LSAMP: variants seen among roughly 807,000 people sequenced by gnomAD.
LSAMP encodes the protein limbic system associated membrane protein, also known as limbic system-associated membrane protein.
LSAMP carries 7 observed loss-of-function variants against 38.6 expected under a neutral mutation model. The ratio of observed to expected loss-of-function variants is 0.18; its 90% CI spans 0.10 to 0.34. LSAMP has a LOEUF of 0.34. Ranked by LOEUF, LSAMP falls within the 10% of genes least tolerant of loss-of-function variation. LSAMP has a pLI of 1.00. For synonymous variants in LSAMP, 154 were observed against 166.8 expected (o/e 0.92, Z 0.59); for missense variants, 313 against 420.0 (o/e 0.75, Z 2.23).
chr3:116,381,650 T>A (rs2048559915), intron 1 of LSAMP, among the ~76,000 whole-genome samples: 1 of 152,244 alleles, frequency 6.6e-6, no homozygotes, highest in Middle Eastern at 3.4e-3. Flanking sequence ...TGAGCCCTGA[T>A]GAACTTTTGA....
chr3:116,334,912 A>G (rs1202569174), intron 1 of LSAMP, among the ~76,000 whole-genome samples: 1 of 152,076 alleles, frequency 6.6e-6, no homozygotes, highest in Admixed American at 6.6e-5. Flanking sequence ...AAAGAAATAA[A>G]ATGAATCCAT....
intron 1 of LSAMP, among the ~76,000 whole-genome samples, chr3:116,311,772 A>T (rs574915581): frequency 6.6e-6 from 1 of 152,334 alleles, no homozygotes; most frequent in East Asian, 1.9e-4. Flanking sequence ...AGCCTAAAAC[A>T]CTATGAGACC....
At chr3:116,232,585 T>C (rs11719629) in intron 1 of LSAMP, among the ~76,000 whole-genome samples, 108,070 of 151,910 alleles carry the variant, frequency 0.71, 40,162 homozygotes, top group South Asian at 0.84. Context: ...CTGTGTAGCA[T>C]TTGCAATTTC....
chr3:116,072,306 T>C (rs1576346059), intron 2 of LSAMP, among the ~76,000 whole-genome samples: 1 of 152,300 alleles, frequency 6.6e-6, no homozygotes, highest in East Asian at 1.9e-4. Flanking sequence ...CTATCACTGA[T>C]GGGCATTTGG....
intron 2 of LSAMP, among the ~76,000 whole-genome samples, chr3:116,056,710 A>T (rs1214451272): frequency 2.0e-5 from 3 of 152,116 alleles, no homozygotes; most frequent in Non-Finnish European, 4.4e-5. Context: ...TTTGCTGTTA[A>T]TGTCTTCTTC....
At chr3:115,889,180 A>G (rs1936531954) in intron 3 of LSAMP, among the ~76,000 whole-genome samples, 1 of 152,082 alleles carries the variant, frequency 6.6e-6, no homozygotes, top group South Asian at 2.1e-4. Flanking sequence ...AAGATGGGCA[A>G]GGTTCCTTGT....
intron 4 of LSAMP, 108 bp from the exon 5 acceptor site, chr3:115,842,686 A>G (rs1173930034): frequency 1.1e-5 from 15 of 1,412,824 alleles, no homozygotes; most frequent in African/African-American, 1.4e-5. Context: ...GCAGGAAGGG[A>G]GCCATCTTAA....
Position 115,911,506 on chromosome 3 carries a change from C to A in LSAMP, c.515-58889G>T, listed in dbSNP as rs371773007. Among the ~76,000 whole-genome samples, 10 of 152,188 alleles carry A rather than the reference C, an allele frequency of 6.6e-5. No homozygotes were observed. The Middle Eastern group carries it at 0.01, about 155-fold the overall frequency. On this transcript the variant is annotated intron_variant, in intron 3 of 6. Coordinates refer to ENST00000490035, the MANE Select transcript of LSAMP (RefSeq NM_002338.5). ...AGCTGGGACTACAGGTGCCTGCCAC[C>A]ACGCCTGGCTAATTTTTTGTAGAGA...
intron 3 of LSAMP, among the ~76,000 whole-genome samples, chr3:115,973,855 G>A (rs1315547887): frequency 1.3e-5 from 2 of 152,166 alleles, no homozygotes; most frequent in Admixed American, 6.6e-5. Context: ...ACTTGTGTGT[G>A]AAATTTTCCA....
chr3:115,827,441 TG>T (rs1208398901), intron 6 of LSAMP, among the ~76,000 whole-genome samples: 1 of 150,642 alleles, frequency 6.6e-6, no homozygotes, highest in Admixed American at 6.7e-5. Flanking sequence ...GTTTAGAAGG[TG>T]GGTGCTTAAG....
At chr3:116,183,218 A>G (rs533306956) in intron 1 of LSAMP, among the ~76,000 whole-genome samples, 38 of 151,942 alleles carry the variant, frequency 2.5e-4, no homozygotes, top group African/African-American at 8.7e-4. Flanking sequence ...TAGATTTAAA[A>G]CTGAGGAAAC....
intron 1 of LSAMP, among the ~76,000 whole-genome samples, chr3:116,272,139 TAA>T (rs1322845831): frequency 6.7e-6 from 1 of 149,298 alleles, no homozygotes; most frequent in Non-Finnish European, 1.5e-5. Context: ...TACAGTTCCA[TAA>T]ACAAATAAAT....
At chr3:116,182,101 T>C (rs2107570363) in intron 1 of LSAMP, among the ~76,000 whole-genome samples, 1 of 152,076 alleles carries the variant, frequency 6.6e-6, no homozygotes, top group African/African-American at 2.4e-5. Context: ...AAATGTGTTA[T>C]GTTTGAAAAG....
intron 1 of LSAMP, among the ~76,000 whole-genome samples, chr3:116,270,890 T>C (rs1262924431): frequency 6.6e-6 from 1 of 152,148 alleles, no homozygotes; most frequent in Non-Finnish European, 1.5e-5. Flanking sequence ...GTTCAGGCTG[T>C]GTTAGTCACT....
intron 1 of LSAMP, among the ~76,000 whole-genome samples, chr3:116,286,836 C>A (rs1014060395): frequency 6.0e-5 from 9 of 150,040 alleles, no homozygotes; most frequent in African/African-American, 2.2e-4. Flanking sequence ...ATGTCATTAA[C>A]TTTTTCTAGT....
At chr3:116,119,105 C>T (rs1347481808) in intron 1 of LSAMP, among the ~76,000 whole-genome samples, 5 of 152,046 alleles carry the variant, frequency 3.3e-5, no homozygotes, top group African/African-American at 1.2e-4. Flanking sequence ...ATTTCTATTA[C>T]AGAGGTACTA....
At position 115,802,846 on chromosome 3, in the gene LSAMP, G is replaced by A. The variant is rs1433776417; in HGVS notation, c.*7471C>T. On this transcript the variant is annotated 3_prime_UTR_variant, in exon 7 of 7. Transcript: ENST00000490035. ...GCATTGGGAGATGGGGGAGGGAGTT[G>A]GAAGTGTTCTCTTTTGCTTCTCTCC... 6.6e-6 allele frequency: 1 copy of A among 152,068 alleles called. No individual in the cohort carries two copies. The allele number at this position is 152,068 out of a possible 1,614,324, so 9.4% of individuals were successfully genotyped here. A position where few individuals can be genotyped will look rare whatever the true frequency, so the allele number is the denominator to read the frequency against.
intron 1 of LSAMP, among the ~76,000 whole-genome samples, chr3:116,223,208 A>G (rs1343277604): frequency 1.3e-5 from 2 of 152,228 alleles, no homozygotes; most frequent in Non-Finnish European, 2.9e-5. Context: ...TAATTTGGTG[A>G]CATGGTAACA....
At chr3:116,106,089 A>C (rs1241602743) in intron 1 of LSAMP, among the ~76,000 whole-genome samples, 2 of 152,144 alleles carry the variant, frequency 1.3e-5, no homozygotes, top group Non-Finnish European at 2.9e-5. Flanking sequence ...GAATAAGAGA[A>C]AGAGAAAAAC....
Sources: allele counts gnomAD v4.1 joint callset (sites outside exome capture counted in the v4.1 genomes callset), GRCh38; gene constraint gnomAD v4.1.1; transcripts MANE v1.5; gene names NCBI Gene and HGNC (gene_info 2026-07-23, HGNC 2026-07-21).